Variants in ATP8B3 observed in about 807,000 individuals in gnomAD.
The protein encoded by ATP8B3 is ATPase phospholipid transporting 8B3.
ATP8B3 carries 141 observed loss-of-function variants against 140.9 expected under a neutral mutation model. That is an observed-to-expected ratio of 1.00 (90% CI 0.87 to 1.15). The LOEUF (loss-of-function observed/expected upper bound fraction) is 1.15. Among genes scored for constraint, ATP8B3 ranks in the 50% most tolerant of loss-of-function variants. The probability of loss-of-function intolerance (pLI) is 0.00; values close to 1 mark genes in which losing one functional copy is unlikely to be tolerated. For synonymous variants in ATP8B3, 765 were observed against 714.6 expected (o/e 1.07, Z -1.13); for missense variants, 1,874 against 1,740.6 (o/e 1.08, Z -1.36).
chr19:1,791,394 T>G (rs2068506314), intron 20 of ATP8B3, among the ~76,000 whole-genome samples: 1 of 151,268 alleles, frequency 6.6e-6, no homozygotes, highest in African/African-American at 2.4e-5. Context: ...GCAGCATTTT[T>G]TTTTTTTTTT....
intron 11 of ATP8B3, 25 bp from the exon 12 acceptor site, chr19:1,802,069 A>ACT: frequency 9.0e-7 from 1 of 1,112,372 alleles, no homozygotes; most frequent in South Asian, 1.4e-5. Flanking sequence ...CCATCTATCC[A>ACT]CCCACCCACC....
intron 2 of ATP8B3, 31 bp downstream of exon 2, chr19:1,811,458 T>G (rs1260265983): frequency 6.3e-7 from 1 of 1,598,140 alleles, no homozygotes; most frequent in African/African-American, 1.3e-5. Context: ...CCTGCCCCTG[T>G]GTTCCGGCCA....
chr19:1,789,302 C>A, intron 23 of ATP8B3, 59 bp downstream of exon 23: 1 of 1,443,882 alleles, frequency 6.9e-7, no homozygotes, highest in Non-Finnish European at 9.1e-7. Context: ...CCCACCACCG[C>A]CTCCGTCAGC....
At chr19:1,791,715 A>G (rs1252983304) in intron 20 of ATP8B3, 35 bp downstream of exon 20, 8 of 1,516,938 alleles carry the variant, frequency 5.3e-6, no homozygotes, top group Non-Finnish European at 7.3e-6. Context: ...CCCATGCTGC[A>G]GGGGCTTAGC....
Position 1,789,834 on chromosome 19 carries a change from C to T in ATP8B3, c.2478+56G>A, listed in dbSNP as rs1221406404. ...CAGTCCCCACCCCGAGCCCGCCGCC[C>T]CTCCAGGCCCCTCCCTGGCGCCGGG... On this transcript the variant is annotated intron_variant, in intron 22 of 28. Transcript: ENST00000310127. 1.1e-5 allele frequency: 17 copies of T among 1,598,372 alleles called. No individual in the cohort carries two copies. The Admixed American group carries it at 2.9e-4, about 27-fold the overall frequency.
At chr19:1,810,810 G>A in intron 2 of ATP8B3, 127 bp from the exon 3 acceptor site, 1 of 799,556 alleles carries the variant, frequency 1.3e-6, no homozygotes, top group Non-Finnish European at 1.9e-6. Flanking sequence ...CTCATCTGCA[G>A]CCTCCCCGCC....
intron 14 of ATP8B3, among the ~76,000 whole-genome samples, chr19:1,797,646 C>T (rs1471675273): frequency 6.6e-6 from 1 of 151,726 alleles, no homozygotes; most frequent in Admixed American, 6.6e-5. Context: ...ATTACAAGCT[C>T]ATGTCACCAC....
In ATP8B3 at chr19:1,790,793, G is replaced by C; in HGVS notation, c.2342C>G (p.Ser781Ter). ...VNIGFACELLSENMLILEEKE... is the reference protein window; with the variant it reads ...VNIGFACELL ...CTCCTCCAGAATGAGCATATTCTCTGACAGCAGCTCGCAGGCGAAGCCGAT... is the reference window on the plus strand; with the variant it reads ...CTCCTCCAGAATGAGCATATTCTCTCACAGCAGCTCGCAGGCGAAGCCGAT... The change falls in exon 21 of 29, where the codon TCA becomes TGA. Residue 781 changes from serine to a stop codon, truncating the protein, a stop_gained. Coordinates refer to ENST00000310127, the MANE Select transcript of ATP8B3 (RefSeq NM_138813.4). LOFTEE classifies it high-confidence loss of function. 1 of 1,605,092 alleles carries C rather than the reference G, an allele frequency of 6.2e-7. No homozygotes were observed. The highest frequency in any genetic ancestry group is 8.5e-7 in the Non-Finnish European group (1 of 1,177,392).
rs764372591 is a variant in ATP8B3, at chr19:1,800,268, A to G, written c.1334T>C (p.Met445Thr). ...ILLSVTIPMSMFILSEFIYLG... is the reference protein window; with the variant it reads ...ILLSVTIPMSTFILSEFIYLG... The stretch of plus-strand genomic sequence containing the variant: ...GCCGGCGGAGACTCACAGGATGAAC[A>G]TGGACATCGGGATGGTGACGCTGAG... Residue 445 changes from methionine (M) to threonine (T), a missense_variant, in exon 13 of 29, where the codon ATG becomes ACG. Transcript: ENST00000310127. This position sits in a 1 kb window ranked among gnomAD's most constrained non-coding sequence, Gnocchi z 4.4. The G allele has an allele frequency of 8.1e-6, 13 of 1,611,594 alleles. No homozygotes were observed. The highest frequency in any genetic ancestry group is 1.7e-4 in the Middle Eastern group (1 of 6,052).
In ATP8B3 at chr19:1,796,768, G is replaced by A. The variant is rs749622913; in HGVS notation, c.1696C>T (p.Arg566Cys). 69 of 1,612,194 alleles carry A rather than the reference G, an allele frequency of 4.3e-5. No homozygotes were observed. The highest frequency in any genetic ancestry group is 1.6e-4 in the Middle Eastern group (1 of 6,080). Residue 566 changes from arginine (R) to cysteine (C), a missense_variant, in exon 16 of 29, where the codon CGC becomes TGC. By Grantham distance (180) the Arg-to-Cys change is radical. Around this residue, in one of 3 missense-constraint regions of ATP8B3, gnomAD observed 1,032 missense variants for 963.6 expected, o/e 1.07. Transcript: ENST00000310127. ...NGDEAVREFW[R>C]LLAICHTVMV... is the part of the protein sequence containing the mutation. ...ACCGTGTGGCAGATGGCCAGCAGGC[G>A]CCAGAACTCCCGCACGGCCTCGTCC...
chr19:1,785,148 T>C lies in ATP8B3; in HGVS notation c.3532+11A>G, dbSNP rs2068263435. The C allele has an allele frequency of 1.3e-6, 2 of 1,551,428 alleles. No homozygotes were observed. The highest frequency in any genetic ancestry group is 4.0e-5 in the Admixed American group (2 of 49,440). ...CACGACCGCCCGTCCCACTTCCCCA[T>C]GGGGGCTCACACAGAAACGGGAAGG... is the stretch of plus-strand genomic sequence containing the variant. On this transcript the variant is annotated intron_variant, in intron 27 of 28. Transcript: ENST00000310127.
At chr19:1,790,052 G>A (rs1348666738) in intron 21 of ATP8B3, 63 bp from the exon 22 acceptor site, 33 of 1,300,772 alleles carry the variant, frequency 2.5e-5, no homozygotes, top group Non-Finnish European at 3.6e-5. Flanking sequence ...TTCCCCGGGG[G>A]CTCCACTGCC....
intron 18 of ATP8B3, among the ~76,000 whole-genome samples, chr19:1,793,845 C>T (rs1044112535): frequency 6.6e-6 from 1 of 152,018 alleles, no homozygotes; most frequent in Non-Finnish European, 1.5e-5. Context: ...CGGGTTCAAG[C>T]GATTCTCCTG....
intron 18 of ATP8B3, among the ~76,000 whole-genome samples, chr19:1,792,337 T>C (rs563804027): frequency 2.0e-4 from 31 of 152,270 alleles, no homozygotes; most frequent in African/African-American, 7.5e-4. Context: ...CCCAGCACTT[T>C]GGGAGGCTGA....
chr19:1,789,561 G>T lies in ATP8B3; in HGVS notation c.2645C>A (p.Ala882Asp). 1 of 1,594,628 alleles carries T rather than the reference G, an allele frequency of 6.3e-7. No individual in the cohort carries two copies. The highest frequency in any genetic ancestry group is 8.5e-7 in the Non-Finnish European group (1 of 1,176,852). Residue 882 changes from alanine (A) to aspartate (D), a missense_variant, in exon 23 of 29, where the codon GCC becomes GAC. Physicochemically the swap from Ala to Asp is moderately radical, Grantham distance 126. Coordinates refer to ENST00000310127, the MANE Select transcript of ATP8B3 (RefSeq NM_138813.4). ...GCTACGGCGGGCTCTGGAGTCCTGG[G>T]CTGGCGGTGCAGCCAGCGGGAGCCC... ...RFGLPLAAPP[A>D]QDSRARRSSE...
intron 12 of ATP8B3, among the ~76,000 whole-genome samples, chr19:1,801,089 A>C (rs1329787790): frequency 6.6e-6 from 1 of 151,892 alleles, no homozygotes. Flanking sequence ...CAGCCTCCCA[A>C]GGTGCTGGGA....
intron 10 of ATP8B3, among the ~76,000 whole-genome samples, chr19:1,804,681 C>T (rs545771151): frequency 6.6e-6 from 1 of 152,208 alleles, no homozygotes; most frequent in Non-Finnish European, 1.5e-5. Flanking sequence ...TGGCACGCAC[C>T]TGTAATCCCA....
In ATP8B3 at chr19:1,805,359, C is replaced by G. The variant is rs199882944; in HGVS notation, c.904+15G>C. 6.4e-7 allele frequency: 1 copy of G among 1,553,082 alleles called. No individual in the cohort carries two copies. Among genetic ancestry groups the G allele is most frequent in the Admixed American group, 1.9e-5 (1 of 51,936 alleles). On this transcript the variant is annotated intron_variant, in intron 10 of 28. Coordinates refer to ENST00000310127, the MANE Select transcript of ATP8B3 (RefSeq NM_138813.4). This position sits in a 1 kb window ranked among gnomAD's most constrained non-coding sequence, Gnocchi z 5.2. ...CAGATTCGAGGGACGTGACTCCCTG[C>G]TCAACGCCTCTCACCTTGAAAGGAC...
At chr19:1,803,014 C>T (rs779887795) in intron 10 of ATP8B3, among the ~76,000 whole-genome samples, 12 of 152,158 alleles carry the variant, frequency 7.9e-5, no homozygotes, top group Non-Finnish European at 1.6e-4. Flanking sequence ...AGCCTCATCT[C>T]GGCCACACTC....
Sources: allele counts gnomAD v4.1 joint callset (sites outside exome capture counted in the v4.1 genomes callset), GRCh38; gene constraint gnomAD v4.1.1; regional missense constraint gnomAD v4.1.1; non-coding constraint Gnocchi (gnomAD v3.1); transcripts MANE v1.5; gene names NCBI Gene and HGNC (gene_info 2026-07-23, HGNC 2026-07-21).